CDK15: variants seen among roughly 807,000 people sequenced by gnomAD.
The protein encoded by CDK15 is cyclin-dependent kinase 15.
A neutral mutation model predicts 60.3 loss-of-function variants in CDK15; 62 were observed. The ratio of observed to expected loss-of-function variants is 1.03; its 90% CI spans 0.84 to 1.27. CDK15 has a LOEUF of 1.27. CDK15 is among the 50% of genes most tolerant of loss of function. The pLI, the probability that CDK15 is intolerant of heterozygous loss-of-function variation, is 0.00. For synonymous variants in CDK15, 194 were observed against 195.7 expected (o/e 0.99, Z 0.07); for missense variants, 541 against 527.8 (o/e 1.03, Z -0.25).
At chr2:201,854,770 C>T (rs561188601) in intron 9 of CDK15, 104 bp from the exon 10 acceptor site, 90 of 907,150 alleles carry the variant, frequency 9.9e-5, no homozygotes, top group African/African-American at 8.5e-4. Context: ...ATACATCTGA[C>T]GCTTCCCTGT....
intron 4 of CDK15, among the ~76,000 whole-genome samples, chr2:201,817,468 T>C (rs1366298405): frequency 6.6e-6 from 1 of 152,226 alleles, no homozygotes; most frequent in Non-Finnish European, 1.5e-5. Flanking sequence ...ATGTTGTATA[T>C]TCATCAATTC....
intron 8 of CDK15, among the ~76,000 whole-genome samples, chr2:201,843,094 A>G (rs1488615651): frequency 6.6e-6 from 1 of 152,216 alleles, no homozygotes; most frequent in African/African-American, 2.4e-5. Context: ...GGCAAAATAG[A>G]TGATAGCCAC....
Position 201,833,943 on chromosome 2 carries a change from C to G in CDK15, c.702C>G (p.His234Gln). ...AACCTCAGAACTTACTCATCAGTCACCTGGGAGAGCTCAAACTGGCTGATT... is the reference window on the plus strand; with the variant it reads ...AACCTCAGAACTTACTCATCAGTCAGCTGGGAGAGCTCAAACTGGCTGATT... ...DLKPQNLLIS[H>Q]LGELKLADFG... The change falls in exon 7 of 14, where the codon CAC (histidine) becomes CAG (glutamine). Residue 234 changes from histidine to glutamine, a missense_variant. Transcript: ENST00000652192. 6.2e-7 allele frequency: 1 copy of G among 1,613,858 alleles called. No individual in the cohort carries two copies.
chr2:201,853,057 A>G (rs1467669714), intron 9 of CDK15, among the ~76,000 whole-genome samples: 1 of 152,190 alleles, frequency 6.6e-6, no homozygotes, highest in Non-Finnish European at 1.5e-5. Context: ...CAGAGGATGT[A>G]TGGGTACATG....
chr2:201,848,184 A>ATT (rs1697753998), intron 9 of CDK15, among the ~76,000 whole-genome samples: 2 of 152,256 alleles, frequency 1.3e-5, no homozygotes, highest in Admixed American at 1.3e-4. Context: ...GAAGTGTACC[A>ATT]TTTATCATGC....
chr2:201,844,657 A>G (rs771156212), intron 8 of CDK15, among the ~76,000 whole-genome samples: 1 of 152,214 alleles, frequency 6.6e-6, no homozygotes, highest in Non-Finnish European at 1.5e-5. Context: ...AGAAATCAGT[A>G]GAAAAGAAAA....
rs535256477 is a variant in CDK15 at position 201,872,342 on chromosome 2, G to A, written c.1058+16G>A. 3.8e-5 allele frequency: 61 copies of A among 1,611,990 alleles called. 1 individual carries two copies. The South Asian group carries it at 6.4e-4, about 17-fold the overall frequency. On this transcript the variant is annotated intron_variant, in intron 11 of 13. Coordinates refer to ENST00000652192, the MANE Select transcript of CDK15 (RefSeq NM_001366386.2). Reference sequence around the variant, plus strand: ...TCTGGAACAGGTGAGTACTACCTCAGGAAGGGATCTTTAAGGGATCTTTAA... The same window carrying A: ...TCTGGAACAGGTGAGTACTACCTCAAGAAGGGATCTTTAAGGGATCTTTAA...
At chr2:201,871,440 C>T (rs1410396772) in intron 10 of CDK15, among the ~76,000 whole-genome samples, 9 of 151,710 alleles carry the variant, frequency 5.9e-5, no homozygotes, top group South Asian at 2.1e-4. Context: ...AGAGCCACCA[C>T]GCCTGGCTCC....
chr2:201,885,342 C>G (rs1047727693), intron 12 of CDK15, among the ~76,000 whole-genome samples: 1 of 152,134 alleles, frequency 6.6e-6, no homozygotes, highest in Non-Finnish European at 1.5e-5. Context: ...GGCCAGGTTT[C>G]AGGGGCTGGG....
chr2:201,859,943 T>C (rs775433389), intron 10 of CDK15, among the ~76,000 whole-genome samples: 2 of 152,178 alleles, frequency 1.3e-5, no homozygotes, highest in Non-Finnish European at 2.9e-5. Context: ...ACGGAGGCCT[T>C]ACTCCTCTGG....
chr2:201,854,251 G>C (rs6728634), intron 9 of CDK15, among the ~76,000 whole-genome samples: 7 of 152,014 alleles, frequency 4.6e-5, no homozygotes, highest in Admixed American at 4.6e-4. Flanking sequence ...CAATCCATCA[G>C]TGAAAAACCA....
chr2:201,842,365 A>G, intron 8 of CDK15, among the ~76,000 whole-genome samples: 1 of 152,208 alleles, frequency 6.6e-6, no homozygotes, highest in East Asian at 1.9e-4. Context: ...ATTCAGTATC[A>G]GTTTCAGGCA....
Position 201,854,993 on chromosome 2 carries a change from T to C in CDK15, c.1009+56T>C, listed in dbSNP as rs149899531. On this transcript the variant is annotated intron_variant, in intron 10 of 13. Coordinates refer to ENST00000652192, the MANE Select transcript of CDK15 (RefSeq NM_001366386.2). ...GAGAATTAGTAATGTAAGGAGAGCA[T>C]TGGCCACGCTAACAGGGCGTTCTTG... The C allele has an allele frequency of 7.0e-5, 107 of 1,517,822 alleles. 1 individual carries two copies. In the East Asian group the frequency reaches 1.5e-3, roughly 22 times the overall value. The allele number at this position is 1,517,822 out of a possible 1,614,324, so 94.0% of individuals were successfully genotyped here.
chr2:201,835,255 A>G (rs1251960924), intron 7 of CDK15, among the ~76,000 whole-genome samples: 1 of 152,158 alleles, frequency 6.6e-6, no homozygotes, highest in Non-Finnish European at 1.5e-5. Flanking sequence ...TGGCTCCTCC[A>G]TCCCCAATTG....
rs183428952 is a variant in CDK15 at position 201,866,354 on chromosome 2, A to T, written c.1010-5924A>T. Among the ~76,000 whole-genome samples, 89 of 152,282 alleles carry T rather than the reference A, an allele frequency of 5.8e-4. 1 individual carries two copies. Among genetic ancestry groups the T allele is most frequent in the African/African-American group, 1.9e-3 (81 of 41,558 alleles). On this transcript the variant is annotated intron_variant, in intron 10 of 13. Coordinates refer to ENST00000652192, the MANE Select transcript of CDK15 (RefSeq NM_001366386.2). ...TCAATCAACAAATCTCTGTTGACTA[A>T]GGTTACCAGATTTGAATTCCGTTGT...
chr2:201,854,988 G>A (rs368326843), intron 10 of CDK15, 51 bp downstream of exon 10: 91 of 1,556,214 alleles, frequency 5.8e-5, no homozygotes, highest in Non-Finnish European at 7.8e-5. Context: ...AATGTAAGGA[G>A]AGCATTGGCC....
intron 12 of CDK15, chr2:201,889,426 A>G: frequency 1.0e-6 from 1 of 983,968 alleles, no homozygotes; most frequent in Non-Finnish European, 1.2e-6. Flanking sequence ...ACCATTTATT[A>G]AAAACATATT....
chr2:201,888,757 G>A, intron 12 of CDK15: 1 of 1,194,104 alleles, frequency 8.4e-7, no homozygotes, highest in Non-Finnish European at 1.0e-6. Flanking sequence ...AGGAGCTGCT[G>A]CTTTTGAGGG....
At chr2:201,886,271 T>C (rs898861472) in intron 12 of CDK15, among the ~76,000 whole-genome samples, 9 of 151,760 alleles carry the variant, frequency 5.9e-5, no homozygotes, top group African/African-American at 1.9e-4. Context: ...CTTTAGTTTA[T>C]TTTCTTTTCT....
Sources: gnomAD v4.1 joint callset for allele counts (sites outside exome capture counted in the v4.1 genomes callset) on GRCh38, gnomAD v4.1.1 for gene constraint, MANE v1.5 for transcripts, NCBI Gene and HGNC (gene_info 2026-07-23, HGNC 2026-07-21) for gene names.